CD1B: variants seen among roughly 807,000 people sequenced by gnomAD.
The protein encoded by CD1B is CD1b molecule.
A neutral mutation model predicts 39.8 loss-of-function variants in CD1B; 43 were observed. That is an observed-to-expected ratio of 1.08 (90% confidence interval 0.85 to 1.39). The LOEUF is 1.39. CD1B is among the 40% of genes most tolerant of loss of function. CD1B has a pLI of 0.00. For missense variants in CD1B, 495 were observed against 403.8 expected (o/e 1.23, Z -1.94); for synonymous variants, 192 against 152.5 (o/e 1.26, Z -1.91).
At chr1:158,293,024 T>A in the CD1B span, 2 of 880,610 alleles carry the variant, frequency 2.3e-6, no homozygotes, top group Non-Finnish European at 3.5e-6. Flanking sequence ...ACCTAAGGGA[T>A]ACATGGATAC....
At chr1:158,308,672 C>A in the CD1B span, among the ~76,000 whole-genome samples, 1 of 152,044 alleles carries the variant, frequency 6.6e-6, no homozygotes, top group Non-Finnish European at 1.5e-5. Flanking sequence ...TCAGAAATAA[C>A]GCCACATATC....
At chr1:158,303,248 C>T in the CD1B span, among the ~76,000 whole-genome samples, 2 of 152,068 alleles carry the variant, frequency 1.3e-5, no homozygotes, top group Non-Finnish European at 2.9e-5. Context: ...GGTTAAAAAC[C>T]CTTAAGAAAC....
At chr1:158,289,169 C>T in the CD1B span, among the ~76,000 whole-genome samples, 4 of 152,168 alleles carry the variant, frequency 2.6e-5, no homozygotes, top group South Asian at 2.1e-4. Context: ...GGATTCTATA[C>T]ATTGAAATTA....
chr1:158,317,833 A>T, the CD1B span, among the ~76,000 whole-genome samples: 1 of 152,150 alleles, frequency 6.6e-6, no homozygotes, highest in Non-Finnish European at 1.5e-5. Flanking sequence ...CACTGCTTTG[A>T]ATGCGTCCCA....
At chr1:158,318,855 C>A in the CD1B span, among the ~76,000 whole-genome samples, 1 of 152,128 alleles carries the variant, frequency 6.6e-6, no homozygotes, top group Non-Finnish European at 1.5e-5. Flanking sequence ...TTAGGGCAGG[C>A]CTGTTGGTGA....
chr1:158,307,600 C>A, the CD1B span, among the ~76,000 whole-genome samples: 1 of 152,144 alleles, frequency 6.6e-6, no homozygotes, highest in South Asian at 2.1e-4. Context: ...CAGCATTATC[C>A]TGATACCAAA....
Position 158,328,967 on chromosome 1 carries a change from A to G in CD1B, c.934T>C (p.Ser312Pro). The change falls in exon 5 of 6, where the codon TCC becomes CCC. Residue 312 changes from serine (S) to proline (P), a missense_variant. By Grantham distance (74) the Ser-to-Pro change is moderately conservative (BLOSUM62 -1). Transcript: ENST00000368168. ...GCAAGGCATAGCAAAAGGAGCAAGG[A>G]AGGCACTATTATTGCCAAAACAATT... ...GSIVLAIIVP[S>P]LLLLLCLALW... 1 of 1,614,022 alleles carries G rather than the reference A, an allele frequency of 6.2e-7. No individual in the cohort carries two copies. Among genetic ancestry groups the G allele is most frequent in the Non-Finnish European group, 8.5e-7 (1 of 1,179,950 alleles).
chr1:158,320,394 G>A, the CD1B span, among the ~76,000 whole-genome samples: 12 of 152,196 alleles, frequency 7.9e-5, no homozygotes, highest in Non-Finnish European at 1.6e-4. Flanking sequence ...GAAAAGCGCA[G>A]TATTCGGGTG....
At chr1:158,315,501 GTTGT>G in the CD1B span, among the ~76,000 whole-genome samples, 15 of 151,902 alleles carry the variant, frequency 9.9e-5, no homozygotes, top group Non-Finnish European at 1.8e-4. Context: ...TTTTGATGGG[GTTGT>G]TTGTTTTTTT....
At chr1:158,293,360 C>T in the CD1B span, 1 of 1,593,176 alleles carries the variant, frequency 6.3e-7, no homozygotes, top group Non-Finnish European at 8.6e-7. Flanking sequence ...TTCCATTTTT[C>T]ACTCTCTTAG....
chr1:158,295,845 C>T, the CD1B span, among the ~76,000 whole-genome samples: 1 of 147,190 alleles, frequency 6.8e-6, no homozygotes, highest in Admixed American at 6.6e-5. Context: ...TCACTGGCCT[C>T]ACATCAGCAT....
chr1:158,319,503 T>C, the CD1B span, among the ~76,000 whole-genome samples: 1 of 152,250 alleles, frequency 6.6e-6, no homozygotes, highest in Non-Finnish European at 1.5e-5. Flanking sequence ...GAGCCTTGGT[T>C]GTCAGCTCCA....
chr1:158,291,450 A>T, the CD1B span: 23 of 1,579,046 alleles, frequency 1.5e-5, no homozygotes, highest in South Asian at 2.6e-4. Flanking sequence ...GTTCTATTTC[A>T]GGGAAATATT....
the CD1B span, among the ~76,000 whole-genome samples, chr1:158,297,495 A>G: frequency 6.6e-6 from 1 of 152,224 alleles, no homozygotes; most frequent in Non-Finnish European, 1.5e-5. Flanking sequence ...AAATGCACTT[A>G]AGTAAACAGA....
At chr1:158,304,239 C>G in the CD1B span, among the ~76,000 whole-genome samples, 1 of 152,144 alleles carries the variant, frequency 6.6e-6, no homozygotes, top group Non-Finnish European at 1.5e-5. Flanking sequence ...GTCATTCCCA[C>G]CCTAATACTG....
In CD1B at chr1:158,329,664, GA is replaced by G. The variant is rs374638151; in HGVS notation, c.608-17del. 0.013 allele frequency: 20,921 copies of G among 1,598,966 alleles called. 372 individuals carry two copies. The highest frequency in any genetic ancestry group is 0.064 in the Middle Eastern group (383 of 5,950). Reference sequence around the variant, plus strand: ...TCAGGCTTCACTAAGGCAGGAAGGAGAAAAAAAAGTGTCATGTTATAACTCG... The same window carrying G: ...TCAGGCTTCACTAAGGCAGGAAGGAGAAAAAAAGTGTCATGTTATAACTCG... On this transcript the variant is annotated splice_polypyrimidine_tract_variant and intron_variant, in intron 3 of 5. Coordinates refer to ENST00000368168, the MANE Select transcript of CD1B (RefSeq NM_001764.3).
the CD1B span, among the ~76,000 whole-genome samples, chr1:158,318,284 A>T: frequency 6.6e-6 from 1 of 151,924 alleles, no homozygotes; most frequent in East Asian, 1.9e-4. Context: ...CCCATTATTA[A>T]TGTGTGGGAG....
chr1:158,323,904 G>A (rs1402710856), downstream of CD1B, among the ~76,000 whole-genome samples: 1 of 152,200 alleles, frequency 6.6e-6, no homozygotes, highest in Non-Finnish European at 1.5e-5. Flanking sequence ...GGTCCCCTCA[G>A]GATCTGCTTT....
the CD1B span, among the ~76,000 whole-genome samples, chr1:158,311,375 T>C: frequency 5.9e-5 from 9 of 152,268 alleles, no homozygotes; most frequent in African/African-American, 1.9e-4. Flanking sequence ...TTTAAATAAC[T>C]TACTTTTTTG....
Sources: gnomAD v4.1 joint callset for allele counts (sites outside exome capture counted in the v4.1 genomes callset) on GRCh38, gnomAD v4.1.1 for gene constraint, MANE v1.5 for transcripts, NCBI Gene and HGNC (gene_info 2026-07-23, HGNC 2026-07-21) for gene names.